The following SRGAP2B variants were observed in gnomAD, a reference collection of about 807,000 sequenced individuals.
SRGAP2B encodes SLIT-ROBO Rho GTPase activating protein 2B.
Under a neutral mutation model 22.2 loss-of-function variants are expected in SRGAP2B, and 9 were observed. The observed-to-expected ratio is 0.41, with a 90% CI of 0.24 to 0.71. SRGAP2B has a LOEUF of 0.71. Ranked by LOEUF, SRGAP2B falls within the 30% of genes least tolerant of loss-of-function variation. The pLI is 0.35. For synonymous variants in SRGAP2B, 36 were observed against 87.4 expected, an observed-to-expected ratio of 0.41 and a Z score of 3.28; for missense variants, 114 against 235.8, an observed-to-expected ratio of 0.48 and a Z score of 3.38.
intron 5 of SRGAP2B, among the ~76,000 whole-genome samples, chr1:144,908,284 TA>T (rs1318760939): frequency 2.0e-5 from 3 of 150,112 alleles, no homozygotes; most frequent in African/African-American, 7.5e-5. Context: ...AAACATGAGA[TA>T]AAAAAGAGGT....
intron 3 of SRGAP2B, among the ~76,000 whole-genome samples, chr1:144,989,530 G>A: frequency 1.6e-5 from 1 of 64,134 alleles, no homozygotes; most frequent in Non-Finnish European, 2.8e-5. Flanking sequence ...CCTGGCCTCA[G>A]GAGATCCTCC....
At position 144,911,538 on chromosome 1, in the gene SRGAP2B, G is replaced by A. The variant is rs1254879938; in HGVS notation, c.486+3154C>T. The stretch of plus-strand genomic sequence containing the variant: ...AGGCAAAGAGGGACAGTTAGTCACC[G>A]TAATCCCATGGTGCCTTATTCAGAC... On this transcript the variant is annotated intron_variant, in intron 5 of 9. Transcript: ENST00000612199. 8.8e-5 allele frequency among the ~76,000 whole-genome samples: 13 copies of A among 147,200 alleles called. 1 individual carries two copies. The highest frequency in any genetic ancestry group is 2.8e-4 in the African/African-American group (11 of 38,648).
chr1:144,941,491 A>G (rs1666045198), intron 4 of SRGAP2B, among the ~76,000 whole-genome samples: 1 of 149,650 alleles, frequency 6.7e-6, no homozygotes, highest in African/African-American at 2.5e-5. Context: ...TAGAGAACAG[A>G]GAAAAAGGAA....
At chr1:145,045,322 G>A (rs1553628444) in intron 2 of SRGAP2B, among the ~76,000 whole-genome samples, 1 of 142,158 alleles carries the variant, frequency 7.0e-6, no homozygotes. Context: ...AAGAAAGAAA[G>A]AAAAGAGAAA....
chr1:144,971,374 G>C (rs1553613231), intron 3 of SRGAP2B, among the ~76,000 whole-genome samples: 2 of 150,004 alleles, frequency 1.3e-5, no homozygotes, highest in Admixed American at 1.3e-4. Flanking sequence ...CAGGTGATCT[G>C]TCCACATTGG....
rs1394931375 is a variant in SRGAP2B, at chr1:145,025,037, A to G, written c.68-29837T>C. ...GACCACCCACAGACGGATTTTTACG[A>G]AAATGAAGAGTTCCCCTAGAAGCCT... On this transcript the variant is annotated intron_variant, in intron 2 of 9. Transcript: ENST00000612199. Among the ~76,000 whole-genome samples the G allele has an allele frequency of 9.9e-5, 14 of 140,736 alleles. No homozygotes were observed. In the South Asian group the frequency reaches 1.8e-3, roughly 19 times the overall value. 92.3% of individuals were successfully genotyped at this position (140,736 alleles called of 152,430 possible). A position where few individuals can be genotyped will look rare whatever the true frequency, so the allele number is the denominator to read the frequency against.
chr1:144,905,016 G>C, intron 7 of SRGAP2B, 75 bp downstream of exon 7: 1 of 704,070 alleles, frequency 1.4e-6, no homozygotes, highest in Non-Finnish European at 2.6e-6. Flanking sequence ...CTGAACAATA[G>C]TATCAGGGAA....
chr1:144,953,807 G>C (rs1553609801), intron 4 of SRGAP2B, among the ~76,000 whole-genome samples: 1 of 150,728 alleles, frequency 6.6e-6, no homozygotes, highest in East Asian at 1.9e-4. Flanking sequence ...ACTGAGTGAA[G>C]TCTAGCTAGG....
At chr1:144,940,165 GA>G (rs2101871595) in intron 4 of SRGAP2B, among the ~76,000 whole-genome samples, 1 of 111,316 alleles carries the variant, frequency 9.0e-6, no homozygotes, top group East Asian at 2.4e-4. Flanking sequence ...AGCATTCTGA[GA>G]AGGAACAGTG....
chr1:144,998,143 A>G (rs1553618877), intron 2 of SRGAP2B, among the ~76,000 whole-genome samples: 1 of 4,488 alleles, frequency 2.2e-4, no homozygotes, highest in East Asian at 2.5e-3. Context: ...ACCAGTTTGG[A>G]GTCTCTGAAA....
At position 144,995,813 on chromosome 1, in the gene SRGAP2B, C is replaced by G. The variant is rs587664569; in HGVS notation, c.68-613G>C. 7.2e-3 allele frequency among the ~76,000 whole-genome samples: 1,090 copies of G among 151,140 alleles called. 27 individuals are homozygous for G. Among genetic ancestry groups the G allele is most frequent in the Non-Finnish European group, 0.01 (709 of 67,988 alleles). ...TCTCCCAAGGTCAAATGGTAGCAAT[C>G]AAAACAAAAGAAGCACAAGAACTTC... On this transcript the variant is annotated intron_variant, in intron 2 of 9. Transcript: ENST00000612199.
chr1:144,970,618 G>A (rs1230393806), intron 3 of SRGAP2B, among the ~76,000 whole-genome samples: 3 of 90,352 alleles, frequency 3.3e-5, no homozygotes, highest in Non-Finnish European at 6.2e-5. Context: ...TGCACAATGT[G>A]CACATGTACC....
chr1:144,895,947 TG>T (rs1662311898), intron 8 of SRGAP2B, among the ~76,000 whole-genome samples: 1 of 53,152 alleles, frequency 1.9e-5, no homozygotes, highest in South Asian at 8.2e-4. Flanking sequence ...CCACGTGCTT[TG>T]CATGGACCCA....
chr1:145,003,025 G>A (rs1288749647), intron 2 of SRGAP2B, among the ~76,000 whole-genome samples: 1 of 151,818 alleles, frequency 6.6e-6, no homozygotes, highest in African/African-American at 2.4e-5. Context: ...TCAGGAGTTT[G>A]AGACTAGCCT....
intron 3 of SRGAP2B, among the ~76,000 whole-genome samples, chr1:144,965,468 T>C (rs1447872881): frequency 1.4e-5 from 2 of 145,104 alleles, no homozygotes; most frequent in South Asian, 4.3e-4. Flanking sequence ...AGAAAGGACA[T>C]CCACACCGAA....
At position 144,901,790 on chromosome 1, in the gene SRGAP2B, CTTAAG is replaced by C. The variant is rs1390000107; in HGVS notation, c.831+3296_831+3300del. Among the ~76,000 whole-genome samples, 6 of 67,198 alleles carry C rather than the reference CTTAAG, an allele frequency of 8.9e-5. No individual in the cohort carries two copies. In the South Asian group the frequency reaches 2.3e-3, roughly 26 times the overall value. The allele number at this position is 67,198 out of a possible 152,430, so 44.1% of individuals were successfully genotyped here. The stretch of plus-strand genomic sequence containing the variant: ...TGTCAAAACTCTTGAAACTGTAACA[CTTAAG>C]TTTAGTTACTGTATGTAAATTATAC... On this transcript the variant is annotated intron_variant, in intron 7 of 9. Coordinates refer to ENST00000612199, the Ensembl canonical transcript of SRGAP2B.
At chr1:145,082,053 A>AAAAC (rs879973166) in intron 2 of SRGAP2B, among the ~76,000 whole-genome samples, 1,476 of 137,988 alleles carry the variant, frequency 0.011, 33 homozygotes, top group Non-Finnish European at 0.017. Flanking sequence ...ATGGTTAAGA[A>AAAAC]AAACAAACAA....
At chr1:144,993,237 A>G (rs1228603205) in intron 3 of SRGAP2B, among the ~76,000 whole-genome samples, 2 of 151,314 alleles carry the variant, frequency 1.3e-5, no homozygotes, top group African/African-American at 4.9e-5. Flanking sequence ...GACCAAGCCA[A>G]AAAGTGTGCA....
intron 6 of SRGAP2B, among the ~76,000 whole-genome samples, 181 bp from the exon 7 acceptor site, chr1:144,905,400 A>G (rs1662913270): frequency 6.7e-6 from 1 of 150,002 alleles, no homozygotes; most frequent in South Asian, 2.1e-4. Flanking sequence ...AGATCAATTC[A>G]GGAAAGGTTA....
Sources: gnomAD v4.1 joint callset for allele counts (sites outside exome capture counted in the v4.1 genomes callset) on GRCh38, gnomAD v4.1.1 for gene constraint, MANE v1.5 for transcripts, NCBI Gene and HGNC (gene_info 2026-07-23, HGNC 2026-07-21) for gene names.